TRHDE: variants seen among roughly 807,000 people sequenced by gnomAD.
TRHDE encodes thyrotropin-releasing hormone-degrading ectoenzyme.
In TRHDE, 72 loss-of-function variants were observed where a neutral mutation model predicts 125.7. The observed-to-expected ratio is 0.57, with a 90% CI of 0.47 to 0.70. TRHDE has a LOEUF of 0.70. TRHDE is among the 30% of genes least tolerant of loss of function. The pLI, the probability that TRHDE is intolerant of heterozygous loss-of-function variation, is 0.00. For missense variants in TRHDE, 1,110 were observed against 1,327.1 expected (o/e 0.84, Z 2.54); for synonymous variants, 509 against 509.1 (o/e 1.00, Z 0.00).
chr12:72,523,925 A>T (rs1868290077), intron 6 of TRHDE, among the ~76,000 whole-genome samples: 1 of 152,192 alleles, frequency 6.6e-6, no homozygotes, highest in Non-Finnish European at 1.5e-5. Context: ...GAAAACAAAA[A>T]GCAGAAGCCG....
At chr12:72,198,471 C>T (rs1877488690) in intron 2 of TRHDE, among the ~76,000 whole-genome samples, 1 of 152,098 alleles carries the variant, frequency 6.6e-6, no homozygotes, top group Non-Finnish European at 1.5e-5. Context: ...CCACAGCAAG[C>T]ACTCAATATA....
At position 72,171,949 on chromosome 12, in the gene TRHDE, T is replaced by G. The variant is rs530045738; in HGVS notation, n.279+66197T>G. ...TAATATACTACATGAGCCTTCAGTC[T>G]TCACATGCCCACTGTTCAATTGCCC... On this transcript the variant is annotated intron_variant and non_coding_transcript_variant, in intron 2 of 4. Coordinates refer to the TRHDE transcript ENST00000548156. Among the ~76,000 whole-genome samples, 9 of 152,300 alleles carry G rather than the reference T, an allele frequency of 5.9e-5. No homozygotes were observed. The South Asian group carries it at 1.9e-3, about 32-fold the overall frequency.
chr12:72,439,859 A>G (rs1874918407), intron 3 of TRHDE, among the ~76,000 whole-genome samples: 1 of 151,828 alleles, frequency 6.6e-6, no homozygotes, highest in African/African-American at 2.4e-5. Context: ...TTCCTGACAT[A>G]ATAGCATACC....
Position 72,173,618 on chromosome 12 carries a change from C to A in TRHDE, n.279+67866C>A, listed in dbSNP as rs572340194. Among the ~76,000 whole-genome samples the A allele has an allele frequency of 1.9e-4, 29 of 152,088 alleles. No individual in the cohort carries two copies. In the South Asian group the frequency reaches 6.0e-3, roughly 32 times the overall value. ...AATGCTGGGTGCAAATTAAAGGGAA[C>A]CAATACTTCAATGGGACTTAAAAAA... On this transcript the variant is annotated intron_variant and non_coding_transcript_variant, in intron 2 of 4. Transcript: ENST00000548156.
chr12:72,543,700 A>C (rs1869266321), intron 7 of TRHDE, among the ~76,000 whole-genome samples: 1 of 151,116 alleles, frequency 6.6e-6, no homozygotes, highest in South Asian at 2.1e-4. Context: ...TTTCTGTATA[A>C]AATTCTTATT....
chr12:72,168,528 A>G (rs905654661), intron 2 of TRHDE, among the ~76,000 whole-genome samples: 1 of 152,222 alleles, frequency 6.6e-6, no homozygotes, highest in African/African-American at 2.4e-5. Flanking sequence ...TGATCATAGC[A>G]GAGACAGTGT....
At position 72,653,010 on chromosome 12, in the gene TRHDE, T is replaced by C. The variant is rs1592597818; in HGVS notation, c.2844-6T>C. On this transcript the variant is annotated splice_region_variant and splice_polypyrimidine_tract_variant and intron_variant, in intron 16 of 18. Coordinates refer to ENST00000261180, the MANE Select transcript of TRHDE (RefSeq NM_013381.3). ...TAAAAATTTTTACAAAATTCTATCT[T>C]TGAAGGCTTCTAAATCTGTCACTGA... 1.3e-6 allele frequency: 2 copies of C among 1,593,632 alleles called. No homozygotes were observed. Among genetic ancestry groups the C allele is most frequent in the African/African-American group, 1.4e-5 (1 of 73,862 alleles).
At chr12:72,149,000 T>G (rs567022318) in intron 2 of TRHDE, among the ~76,000 whole-genome samples, 12 of 152,282 alleles carry the variant, frequency 7.9e-5, no homozygotes, top group African/African-American at 2.6e-4. Context: ...CCTGAGATTT[T>G]TTTTAATGCT....
chr12:72,334,720 C>A (rs1364183248), intron 2 of TRHDE, among the ~76,000 whole-genome samples: 1 of 152,160 alleles, frequency 6.6e-6, no homozygotes, highest in Non-Finnish European at 1.5e-5. Flanking sequence ...CAGGGAAAAC[C>A]CAGCCTTAGT....
chr12:72,235,125 C>T (rs1474259991), intron 2 of TRHDE, among the ~76,000 whole-genome samples: 11 of 152,114 alleles, frequency 7.2e-5, no homozygotes, highest in Non-Finnish European at 1.5e-4. Flanking sequence ...AACACGAACT[C>T]TTGATGATGC....
chr12:72,308,520 AC>A (rs1868394049), intron 2 of TRHDE, among the ~76,000 whole-genome samples: 1 of 152,164 alleles, frequency 6.6e-6, no homozygotes, highest in Non-Finnish European at 1.5e-5. Flanking sequence ...ATGAGATTAC[AC>A]GTAAAAAGTA....
At chr12:72,124,045 T>C (rs984955797) in intron 2 of TRHDE, among the ~76,000 whole-genome samples, 1 of 152,176 alleles carries the variant, frequency 6.6e-6, no homozygotes, top group African/African-American at 2.4e-5. Flanking sequence ...GCATATAATT[T>C]TCTTCATAAA....
At chr12:72,153,421 T>C (rs895550284) in intron 2 of TRHDE, among the ~76,000 whole-genome samples, 16 of 152,220 alleles carry the variant, frequency 1.1e-4, no homozygotes, top group Non-Finnish European at 2.4e-4. Flanking sequence ...TCTTAGTTAT[T>C]TCTTGCCTTC....
intron 5 of TRHDE, 150 bp downstream of exon 5, chr12:72,473,330 T>A: frequency 3.6e-6 from 2 of 548,774 alleles, no homozygotes; most frequent in Non-Finnish European, 6.4e-6. Flanking sequence ...ATGTTAGTAT[T>A]CTTAAAGAGT....
intron 2 of TRHDE, among the ~76,000 whole-genome samples, chr12:72,125,539 TCCAA>T (rs1300874158): frequency 6.6e-6 from 1 of 152,174 alleles, no homozygotes; most frequent in African/African-American, 2.4e-5. Flanking sequence ...CCTTTATCCC[TCCAA>T]CATACACTCC....
At chr12:72,114,385 C>T (rs1204248919) in intron 2 of TRHDE, among the ~76,000 whole-genome samples, 1 of 152,084 alleles carries the variant, frequency 6.6e-6, no homozygotes, top group Non-Finnish European at 1.5e-5. Flanking sequence ...TTACCAATAA[C>T]AATCAGTTGA....
intron 2 of TRHDE, among the ~76,000 whole-genome samples, chr12:72,302,859 A>C (rs1399725135): frequency 6.6e-6 from 1 of 152,158 alleles, no homozygotes; most frequent in Non-Finnish European, 1.5e-5. Context: ...TGGACTGGAT[A>C]ACTTTTGTTG....
chr12:72,587,418 A>C (rs1037528233), intron 12 of TRHDE, among the ~76,000 whole-genome samples: 2 of 152,134 alleles, frequency 1.3e-5, no homozygotes, highest in African/African-American at 2.4e-5. Context: ...GACATTAATG[A>C]ATTTGTAGAT....
At chr12:72,163,326 T>C (rs933704992) in intron 2 of TRHDE, among the ~76,000 whole-genome samples, 2 of 152,208 alleles carry the variant, frequency 1.3e-5, no homozygotes, top group African/African-American at 4.8e-5. Context: ...TAACAGCTTG[T>C]CTGAGGCAGG....
Sources: gnomAD v4.1 joint callset for allele counts (sites outside exome capture counted in the v4.1 genomes callset) on GRCh38, gnomAD v4.1.1 for gene constraint, MANE v1.5 for transcripts, NCBI Gene and HGNC (gene_info 2026-07-23, HGNC 2026-07-21) for gene names.